The following DROSHA variants were observed in gnomAD, a reference collection of about 807,000 sequenced individuals.
DROSHA encodes drosha ribonuclease III, also known as ribonuclease 3.
DROSHA carries 56 observed loss-of-function variants against 181.9 expected under a neutral mutation model. The ratio of observed to expected loss-of-function variants is 0.31; its 90% confidence interval spans 0.25 to 0.38. DROSHA has a LOEUF of 0.38. Ranked by LOEUF, DROSHA falls within the 10% of genes least tolerant of loss-of-function variation. The probability of loss-of-function intolerance (pLI) is 1.00; values close to 1 mark genes in which losing one functional copy is unlikely to be tolerated. For missense variants in DROSHA, 1,218 were observed against 1,743.5 expected (o/e 0.70, Z 5.37); for synonymous variants, 524 against 591.2 (o/e 0.89, Z 1.65).
At chr5:31,402,364 T>C (rs901864545) in intron 35 of DROSHA, among the ~76,000 whole-genome samples, 2 of 147,626 alleles carry the variant, frequency 1.4e-5, no homozygotes, top group South Asian at 2.2e-4. Flanking sequence ...GGGCCAAAAA[T>C]AGGCGAGTAA....
At chr5:31,512,651 C>G (rs1344997258) in intron 8 of DROSHA, among the ~76,000 whole-genome samples, 4 of 152,174 alleles carry the variant, frequency 2.6e-5, no homozygotes, top group African/African-American at 9.7e-5. Context: ...AATCTTAGAA[C>G]AGGAATCCTT....
chr5:31,413,540 T>C (rs111256544), intron 30 of DROSHA, among the ~76,000 whole-genome samples: 59 of 152,348 alleles, frequency 3.9e-4, no homozygotes, highest in African/African-American at 1.4e-3. Context: ...CCTGAGGTTA[T>C]GGCAGTTCAG....
At chr5:31,483,462 G>T in intron 16 of DROSHA, 92 bp downstream of exon 16, 1 of 1,234,026 alleles carries the variant, frequency 8.1e-7, no homozygotes, top group Non-Finnish European at 1.2e-6. Flanking sequence ...TATCGAAGGT[G>T]GGAAAGTTGT....
chr5:31,491,930 G>A (rs1254017471), intron 13 of DROSHA, among the ~76,000 whole-genome samples: 1 of 152,122 alleles, frequency 6.6e-6, no homozygotes, highest in Non-Finnish European at 1.5e-5. Flanking sequence ...AAGTAGCTGG[G>A]TTTACAGACG....
At chr5:31,418,230 TG>T (rs1239493499) in intron 30 of DROSHA, among the ~76,000 whole-genome samples, 1 of 151,014 alleles carries the variant, frequency 6.6e-6, no homozygotes, top group Non-Finnish European at 1.5e-5. Flanking sequence ...TGTGTGTGTG[TG>T]TGTGTGTGTC....
At chr5:31,487,213 G>A (rs1047102785) in intron 13 of DROSHA, among the ~76,000 whole-genome samples, 4 of 152,172 alleles carry the variant, frequency 2.6e-5, no homozygotes, top group Admixed American at 1.3e-4. Context: ...TAAGGCAGAA[G>A]AGTCATCAGG....
At chr5:31,481,346 C>A (rs1751012379) in intron 16 of DROSHA, among the ~76,000 whole-genome samples, 1 of 152,130 alleles carries the variant, frequency 6.6e-6, no homozygotes, top group South Asian at 2.1e-4. Flanking sequence ...CACATAGTTA[C>A]GTGAGAGTTG....
Position 31,449,414 on chromosome 5 carries a change from G to A in DROSHA, c.2688C>T (p.Ala896=), listed in dbSNP as rs1401335841. 2 of 1,569,300 alleles carry A rather than the reference G, an allele frequency of 1.3e-6. No individual in the cohort carries two copies. Among genetic ancestry groups the A allele is most frequent in the Admixed American group, 1.9e-5 (1 of 52,786 alleles). ...TTAAATGATGACTTGGATGAGTCAT[G>A]GCCAGCTAAAATTTCAATGAAATAA... ...TFQDRCLLQL[A]MTHPSHHLNF... Residue 896 remains alanine, a synonymous_variant, in exon 22 of 36, where the codon GCC becomes GCT. Transcript: ENST00000344624.
chr5:31,446,830 A>G (rs1427390289), intron 23 of DROSHA, among the ~76,000 whole-genome samples: 1 of 152,226 alleles, frequency 6.6e-6, no homozygotes, highest in Non-Finnish European at 1.5e-5. Flanking sequence ...ACTTGAGGCC[A>G]GGAGTTGGAG....
intron 12 of DROSHA, among the ~76,000 whole-genome samples, chr5:31,495,001 G>A (rs1473625118): frequency 6.6e-6 from 1 of 152,128 alleles, no homozygotes; most frequent in East Asian, 1.9e-4. Context: ...AAGAAATGTG[G>A]AAGTGTTCTA....
intron 33 of DROSHA, among the ~76,000 whole-genome samples, chr5:31,407,812 A>G (rs112947544): frequency 4.1e-4 from 62 of 152,304 alleles, no homozygotes; most frequent in African/African-American, 1.5e-3. Flanking sequence ...TACAGTAATC[A>G]TGCCTTTGCT....
At chr5:31,458,675 T>C (rs189648150) in intron 20 of DROSHA, among the ~76,000 whole-genome samples, 1 of 152,218 alleles carries the variant, frequency 6.6e-6, no homozygotes, top group South Asian at 2.1e-4. Flanking sequence ...TATCCTATTA[T>C]CTGTGCTGTT....
chr5:31,516,975 T>C (rs984134382), intron 6 of DROSHA, among the ~76,000 whole-genome samples: 1 of 152,216 alleles, frequency 6.6e-6, no homozygotes, highest in Admixed American at 6.5e-5. Flanking sequence ...TTCTCTCTAG[T>C]TAGGCAGTAC....
intron 4 of DROSHA, among the ~76,000 whole-genome samples, chr5:31,528,535 T>C (rs1282812120): frequency 1.3e-5 from 2 of 152,234 alleles, no homozygotes; most frequent in African/African-American, 4.8e-5. Flanking sequence ...GTCACTTATA[T>C]GGCAACTATC....
At chr5:31,512,595 A>G (rs1738817537) in intron 8 of DROSHA, among the ~76,000 whole-genome samples, 2 of 152,194 alleles carry the variant, frequency 1.3e-5, no homozygotes, top group Non-Finnish European at 2.9e-5. Flanking sequence ...AATTAAATAT[A>G]TATGTTAACT....
intron 3 of DROSHA, among the ~76,000 whole-genome samples, chr5:31,529,684 G>C (rs556466140): frequency 6.7e-6 from 1 of 148,270 alleles, no homozygotes; most frequent in African/African-American, 2.5e-5. Flanking sequence ...GCAGTGAGCC[G>C]AGATGGCGCC....
At chr5:31,408,483 G>A (rs1418510014) in intron 33 of DROSHA, among the ~76,000 whole-genome samples, 1 of 152,064 alleles carries the variant, frequency 6.6e-6, no homozygotes, top group Non-Finnish European at 1.5e-5. Flanking sequence ...GGTATTAAGT[G>A]GTGTAGTGAC....
chr5:31,429,452 A>T, intron 27 of DROSHA, 23 bp downstream of exon 27: 1 of 1,594,910 alleles, frequency 6.3e-7, no homozygotes. Context: ...AACAAAAAAA[A>T]TCAAATGATT....
At chr5:31,510,979 T>C in intron 9 of DROSHA, 56 bp downstream of exon 9, 2 of 1,581,680 alleles carry the variant, frequency 1.3e-6, no homozygotes, top group Non-Finnish European at 1.7e-6. Context: ...TCCCCAAAAT[T>C]TAGGAATGAA....
Sources: allele counts gnomAD v4.1 joint callset (sites outside exome capture counted in the v4.1 genomes callset), GRCh38; gene constraint gnomAD v4.1.1; transcripts MANE v1.5; gene names NCBI Gene and HGNC (gene_info 2026-07-23, HGNC 2026-07-21).